CCDC201: variants seen among roughly 807,000 people sequenced by gnomAD.
The protein encoded by CCDC201 is coiled-coil domain containing 201, also known as coiled-coil domain-containing protein 201.
chr7:45,863,727 C>G (rs574935355), intron 2 of CCDC201, among the ~76,000 whole-genome samples: 1 of 152,234 alleles, frequency 6.6e-6, no homozygotes, highest in Non-Finnish European at 1.5e-5. Context: ...AGTCAGATCA[C>G]GTGGAGTGTA....
In CCDC201 at chr7:45,864,011, T is replaced by A. The variant is rs201775644; in HGVS notation, c.478-840A>T. 1.1e-4 allele frequency among the ~76,000 whole-genome samples: 16 copies of A among 152,196 alleles called. No homozygotes were observed. The East Asian group carries it at 3.1e-3, about 30-fold the overall frequency. ...CCAGGCTGGGGTCTGCAAGATCCCA[T>A]GATCATCTGGTAGGAGGACCAGCGA... On this transcript the variant is annotated intron_variant, in intron 2 of 2. Coordinates refer to ENST00000636578, the Ensembl canonical transcript of CCDC201.
At chr7:45,878,634 C>T in the CCDC201 span, among the ~76,000 whole-genome samples, 3 of 152,224 alleles carry the variant, frequency 2.0e-5, no homozygotes, top group Non-Finnish European at 4.4e-5. Flanking sequence ...CACCATGTCC[C>T]AAGGCTGTAT....
upstream of CCDC201, among the ~76,000 whole-genome samples, chr7:45,876,810 T>A (rs1786814383): frequency 6.6e-6 from 1 of 152,168 alleles, no homozygotes; most frequent in African/African-American, 2.4e-5. Flanking sequence ...AGCTCCTGGG[T>A]CCAAGCCTAG....
intron 2 of CCDC201, among the ~76,000 whole-genome samples, chr7:45,865,687 A>G (rs993151164): frequency 5.9e-5 from 9 of 152,340 alleles, no homozygotes; most frequent in Middle Eastern, 3.4e-3. Context: ...AGCAATGACA[A>G]AGCAGCCAGC....
intron 1 of CCDC201, among the ~76,000 whole-genome samples, chr7:45,867,668 G>C (rs1378632261): frequency 6.6e-6 from 1 of 152,204 alleles, no homozygotes; most frequent in African/African-American, 2.4e-5. Flanking sequence ...CTGAAAACAG[G>C]TCCACTCCAG....
intron 1 of CCDC201, among the ~76,000 whole-genome samples, chr7:45,869,209 AT>A (rs1253646319): frequency 6.6e-6 from 1 of 152,234 alleles, no homozygotes; most frequent in African/African-American, 2.4e-5. Flanking sequence ...TTGAAAAAAA[AT>A]GTGGTCTAAG....
the CCDC201 span, among the ~76,000 whole-genome samples, chr7:45,884,708 C>T: frequency 9.9e-5 from 15 of 152,278 alleles, no homozygotes; most frequent in Admixed American, 2.6e-4. Flanking sequence ...CCCTCCAAGA[C>T]CAGCCATGGC....
intron 2 of CCDC201, among the ~76,000 whole-genome samples, chr7:45,864,551 A>G (rs1786647921): frequency 6.6e-6 from 1 of 152,148 alleles, no homozygotes; most frequent in Non-Finnish European, 1.5e-5. Flanking sequence ...GCTTTCCGTC[A>G]GCTCCCACCC....
intron 1 of CCDC201, among the ~76,000 whole-genome samples, chr7:45,869,494 G>A (rs2116522610): frequency 6.6e-6 from 1 of 152,286 alleles, no homozygotes; most frequent in African/African-American, 2.4e-5. Context: ...CGGAAAGGAG[G>A]GAGGGAGTGC....
upstream of CCDC201, among the ~76,000 whole-genome samples, chr7:45,877,249 A>T (rs1179228498): frequency 6.6e-6 from 1 of 152,132 alleles, no homozygotes; most frequent in Non-Finnish European, 1.5e-5. Flanking sequence ...CTCTGCCCCC[A>T]TTTCCATTTC....
chr7:45,864,323 T>G (rs1786639460), intron 2 of CCDC201, among the ~76,000 whole-genome samples: 1 of 152,092 alleles, frequency 6.6e-6, no homozygotes, highest in Admixed American at 6.5e-5. Flanking sequence ...GCGTTCCACA[T>G]GGGTTGTTCC....
chr7:45,865,670 G>C (rs1786660357), intron 2 of CCDC201, among the ~76,000 whole-genome samples: 3 of 152,234 alleles, frequency 2.0e-5, no homozygotes, highest in Admixed American at 6.5e-5. Flanking sequence ...ACTCCTGTGA[G>C]CTAAAGAGCA....
At chr7:45,862,848 T>C (rs1786620237) in exon 3 of CCDC201, 1 of 152,300 alleles carries the variant, frequency 6.6e-6, no homozygotes, top group Non-Finnish European at 1.5e-5. Context: ...TTACACACCA[T>C]GCAGAGCCTT....
chr7:45,875,386 T>C (rs975152146), upstream of CCDC201, among the ~76,000 whole-genome samples: 21 of 149,936 alleles, frequency 1.4e-4, no homozygotes, highest in African/African-American at 5.2e-4. Flanking sequence ...TCCCAGCTAC[T>C]TGGGAGGCGG....
At position 45,871,374 on chromosome 7, in the gene CCDC201, G is replaced by GAA. The variant is rs34501457; in HGVS notation, c.18+1614_18+1615dup. ...GATTTTAAAAATTCATAAATTACCA[G>GAA]AAAAAAAAACAAAAAAATTAAAAAT... On this transcript the variant is annotated intron_variant, in intron 1 of 2. Coordinates refer to ENST00000636578, the Ensembl canonical transcript of CCDC201. Among the ~76,000 whole-genome samples the GAA allele has an allele frequency of 4.0e-3, 602 of 148,686 alleles. 1 individual carries two copies. Among genetic ancestry groups the GAA allele is most frequent in the Non-Finnish European group, 6.6e-3 (446 of 67,080 alleles).
intron 1 of CCDC201, among the ~76,000 whole-genome samples, chr7:45,872,331 T>C (rs1256538646): frequency 6.6e-6 from 1 of 152,238 alleles, no homozygotes; most frequent in Non-Finnish European, 1.5e-5. Context: ...GCTCCAGAGC[T>C]GTATGCAACG....
chr7:45,881,675 T>G, the CCDC201 span, among the ~76,000 whole-genome samples: 1 of 152,186 alleles, frequency 6.6e-6, no homozygotes, highest in Middle Eastern at 3.2e-3. Context: ...GCACCTGCCC[T>G]ATGTTTGGCA....
chr7:45,873,920 CTTT>C (rs201948561), upstream of CCDC201, among the ~76,000 whole-genome samples: 564 of 121,378 alleles, frequency 4.6e-3, 2 homozygotes, highest in African/African-American at 0.016. Flanking sequence ...CATTTACTTA[CTTT>C]TTTTTTTTTT....
At chr7:45,862,840 A>G (rs188505038) in exon 3 of CCDC201, 1 of 152,404 alleles carries the variant, frequency 6.6e-6, no homozygotes, top group African/African-American at 2.4e-5. Flanking sequence ...GGCTCAAGTT[A>G]CACACCATGC....
Sources: allele counts gnomAD v4.1 joint callset (sites outside exome capture counted in the v4.1 genomes callset), GRCh38; gene constraint gnomAD v4.1.1; transcripts MANE v1.5; gene names NCBI Gene and HGNC (gene_info 2026-07-23, HGNC 2026-07-21).